The following ERMARD variants were observed in gnomAD, a reference collection of about 807,000 sequenced individuals.
ERMARD encodes endoplasmic reticulum membrane-associated RNA degradation protein.
A neutral mutation model predicts 83.9 loss-of-function variants in ERMARD; 71 were observed. That is an observed-to-expected ratio of 0.85 (90% confidence interval 0.70 to 1.03). The LOEUF is 1.03. Ranked by LOEUF, ERMARD falls within the 50% of genes least tolerant of loss-of-function variation. The pLI, the probability that ERMARD is intolerant of heterozygous loss-of-function variation, is 0.00. For missense variants in ERMARD, 838 were observed against 810.9 expected, an observed-to-expected ratio of 1.03 and a Z score of -0.41; for synonymous variants, 284 against 298.6, an observed-to-expected ratio of 0.95 and a Z score of 0.50.
chr6:169,771,020 A>G (rs1309992915), intron 12 of ERMARD: 1 of 151,874 alleles, frequency 6.6e-6, no homozygotes, highest in Non-Finnish European at 1.5e-5. Flanking sequence ...TTTCAAAATT[A>G]AAAATATATG....
chr6:169,759,103 A>G (rs187775779), intron 6 of ERMARD, 38 bp downstream of exon 6: 5 of 1,538,818 alleles, frequency 3.2e-6, no homozygotes, highest in Middle Eastern at 1.7e-4. Context: ...CCTTTTTTGG[A>G]TCTACCAAAG....
intron 6 of ERMARD, 41 bp from the exon 7 acceptor site, chr6:169,759,797 T>G (rs754223683): frequency 1.3e-6 from 2 of 1,552,312 alleles, no homozygotes; most frequent in South Asian, 1.1e-5. Context: ...ATAGGCATGA[T>G]TGAGTACATT....
chr6:169,756,460 A>G (rs760377140), intron 4 of ERMARD, 21 bp downstream of exon 4: 34 of 1,494,980 alleles, frequency 2.3e-5, no homozygotes, highest in Non-Finnish European at 3.1e-5. Flanking sequence ...GAACTCTTTC[A>G]TTATTGGCCC....
chr6:169,773,076 C>G, intron 12 of ERMARD: 1 of 415,458 alleles, frequency 2.4e-6, no homozygotes, highest in Non-Finnish European at 4.2e-6. Flanking sequence ...GTTTTGTGCA[C>G]AGAGGGTGGG....
Position 169,781,327 on chromosome 6 carries a change from C to A in ERMARD, c.1854-3C>A, listed in dbSNP as rs752087694. On this transcript the variant is annotated splice_region_variant and splice_polypyrimidine_tract_variant and intron_variant, in intron 17 of 17. Coordinates refer to ENST00000366773, the MANE Select transcript of ERMARD (RefSeq NM_018341.3). ...GATAAAGAAATTAATTTTTTTTTTA[C>A]AGGTTTGTAAAGTCGATCTTGCAGT... is the stretch of plus-strand genomic sequence containing the variant. 6.3e-7 allele frequency: 1 copy of A among 1,576,632 alleles called. No individual in the cohort carries two copies. The highest frequency in any genetic ancestry group is 8.6e-7 in the Non-Finnish European group (1 of 1,169,014).
At chr6:169,757,502 C>T (rs762721997) in intron 5 of ERMARD, among the ~76,000 whole-genome samples, 25 of 152,056 alleles carry the variant, frequency 1.6e-4, no homozygotes, top group South Asian at 2.1e-4. Flanking sequence ...AAAATTTTAA[C>T]GTGAAATTAT....
Position 169,760,669 on chromosome 6 carries a change from TAGA to T in ERMARD, c.776_778del (p.Glu259del). ...GTTACTTATGAGGTGCTTTCAGTAT[TAGA>T]AGAAGTGATGATGAAATCTGCTTTT... On this transcript the variant is annotated inframe_deletion, in exon 8 of 18. Transcript: ENST00000366773. 6.2e-7 allele frequency: 1 copy of T among 1,612,478 alleles called. No individual in the cohort carries two copies. The highest frequency in any genetic ancestry group is 8.5e-7 in the Non-Finnish European group (1 of 1,178,534).
intron 8 of ERMARD, among the ~76,000 whole-genome samples, chr6:169,761,663 A>G (rs563558458): frequency 3.6e-5 from 4 of 110,422 alleles, no homozygotes; most frequent in Non-Finnish European, 5.3e-5. Flanking sequence ...CTTTTGTTCT[A>G]TGTGTAAGTG....
In ERMARD at chr6:169,781,394, A is replaced by G; in HGVS notation, c.1918A>G (p.Lys640Glu). Reference protein sequence around the residue: ...LVAYTSYEKNKWNETINLTHT... With the variant: ...LVAYTSYEKNEWNETINLTHT... ...GGCTTACACCAGTTACGAAAAGAAC[A>G]AGTGGAATGAAACTATCAATCTTAC... The change falls in exon 18 of 18, where the codon AAG (lysine) becomes GAG (glutamate). Residue 640 changes from lysine to glutamate, a missense_variant. By Grantham distance (56) the Lys-to-Glu change is moderately conservative. Transcript: ENST00000366773. 6.2e-7 allele frequency: 1 copy of G among 1,613,536 alleles called. No homozygotes were observed. The highest frequency in any genetic ancestry group is 1.3e-5 in the African/African-American group (1 of 75,058).
At chr6:169,774,672 A>G (rs1585412394) in intron 13 of ERMARD, among the ~76,000 whole-genome samples, 1 of 152,308 alleles carries the variant, frequency 6.6e-6, no homozygotes, top group East Asian at 1.9e-4. Flanking sequence ...GTCAGCAGCC[A>G]CCGTTGTACT....
At position 169,755,416 on chromosome 6, in the gene ERMARD, T is replaced by C. The variant is rs147525823; in HGVS notation, c.309T>C (p.Phe103=). 41 of 1,614,136 alleles carry C rather than the reference T, an allele frequency of 2.5e-5. No homozygotes were observed. In the African/African-American group the frequency reaches 5.5e-4, roughly 22 times the overall value. Reference sequence around the variant, plus strand: ...CACCGTGGTTCCAGTGGACAAGTTTTCCAGAGGTTTGGCTTTTGAACAACC... The same window carrying C: ...CACCGTGGTTCCAGTGGACAAGTTTCCCAGAGGTTTGGCTTTTGAACAACC... ...RYAPWFQWTS[F]PELFPEIFDA... The change falls in exon 3 of 18, where the codon TTT becomes TTC. Residue 103 remains phenylalanine, a synonymous_variant. Transcript: ENST00000366773.
At position 169,776,057 on chromosome 6, in the gene ERMARD, T is replaced by C; in HGVS notation, c.1512T>C (p.Pro504=). 2 of 1,613,588 alleles carry C rather than the reference T, an allele frequency of 1.2e-6. No homozygotes were observed. Among genetic ancestry groups the C allele is most frequent in the Non-Finnish European group, 1.7e-6 (2 of 1,179,872 alleles). The change falls in exon 15 of 18, where the codon CCT becomes CCC. Residue 504 remains proline, a synonymous_variant. Coordinates refer to ENST00000366773, the MANE Select transcript of ERMARD (RefSeq NM_018341.3). ...TGTTAAAGGACTTGGATCGTCTTCC[T>C]ACTGAGACGTAAGTTCCAGGACATC... The part of the protein sequence containing the change: ...RCVLKDLDRL[P]TETWPQLLRE...
chr6:169,757,703 G>C (rs1404969248), intron 5 of ERMARD, among the ~76,000 whole-genome samples: 4 of 152,202 alleles, frequency 2.6e-5, no homozygotes, highest in Non-Finnish European at 1.5e-5. Flanking sequence ...TGGAAGCTGT[G>C]CTTGCCAAGC....
intron 7 of ERMARD, 134 bp from the exon 8 acceptor site, chr6:169,760,508 C>T: frequency 1.6e-6 from 1 of 640,810 alleles, no homozygotes; most frequent in East Asian, 2.8e-5. Context: ...TACTCTCTAA[C>T]AAGTCCCCTG....
intron 16 of ERMARD, among the ~76,000 whole-genome samples, chr6:169,777,896 T>C (rs1793776399): frequency 6.6e-6 from 1 of 152,226 alleles, no homozygotes; most frequent in Non-Finnish European, 1.5e-5. Flanking sequence ...CAAGTTCTTA[T>C]AATTTGTATT....
intron 2 of ERMARD, 56 bp downstream of exon 2, chr6:169,754,088 G>A (rs1790496116): frequency 6.6e-7 from 1 of 1,506,082 alleles, no homozygotes; most frequent in Admixed American, 2.0e-5. Flanking sequence ...AAAATGTCTT[G>A]ACCTGTAAAA....
At chr6:169,772,807 C>T (rs573876224) in intron 12 of ERMARD, among the ~76,000 whole-genome samples, 73 of 148,864 alleles carry the variant, frequency 4.9e-4, no homozygotes, top group African/African-American at 1.8e-3. Flanking sequence ...TAGGTAGTTA[C>T]AGATTTTTTA....
At position 169,776,549 on chromosome 6, in the gene ERMARD, A is replaced by G. The variant is rs1793620797; in HGVS notation, c.1615A>G (p.Ile539Val). The change falls in exon 16 of 18, where the codon ATC becomes GTC. Residue 539 changes from isoleucine to valine, a missense_variant. Physicochemically the swap from Ile to Val is conservative, Grantham distance 29 (BLOSUM62 3). Transcript: ENST00000366773. ...GGAAGTGCTGGTTGTGCTCCGAAGCATCAGCGAACAGTGCCGCCGTGTGTC... is the reference window on the plus strand; with the variant it reads ...GGAAGTGCTGGTTGTGCTCCGAAGCGTCAGCGAACAGTGCCGCCGTGTGTC... ...VLEVLVVLRS[I>V]SEQCRRVSSQ... The G allele has an allele frequency of 1.9e-6, 3 of 1,614,098 alleles. No homozygotes were observed. Among genetic ancestry groups the G allele is most frequent in the African/African-American group, 1.3e-5 (1 of 74,936 alleles).
rs781458931 is a variant in ERMARD at position 169,773,352 on chromosome 6, G to A, written c.1267G>A (p.Ala423Thr). Residue 423 changes from alanine (A) to threonine (T), a missense_variant, in exon 13 of 18, where the codon GCA (alanine) becomes ACA (threonine). Ala to Thr is a moderately conservative substitution (Grantham distance 58). Coordinates refer to ENST00000366773, the MANE Select transcript of ERMARD (RefSeq NM_018341.3). ...AGCCGTAGAATTGTTGATTAGTCTT[G>A]CAGAAGGCTATAGTTCTCGCTGTCA... ...KSAVELLISL[A>T]EGYSSRCHPV... 3.2e-5 allele frequency: 52 copies of A among 1,614,000 alleles called. No individual in the cohort carries two copies. The East Asian group carries it at 1.0e-3, about 32-fold the overall frequency.
Sources: gnomAD v4.1 joint callset for allele counts (sites outside exome capture counted in the v4.1 genomes callset) on GRCh38, gnomAD v4.1.1 for gene constraint, MANE v1.5 for transcripts, NCBI Gene and HGNC (gene_info 2026-07-23, HGNC 2026-07-21) for gene names.